Variants in LARP1 observed in about 807,000 individuals in gnomAD.
LARP1 encodes the protein la-related protein 1.
A neutral mutation model predicts 122.7 loss-of-function variants in LARP1; 36 were observed. That is an observed-to-expected ratio of 0.29 (90% CI 0.22 to 0.39). The LOEUF is 0.39. Ranked by LOEUF, LARP1 falls within the 10% of genes least tolerant of loss-of-function variation. The pLI is 1.00. For synonymous variants in LARP1, 539 were observed against 528.7 expected, an observed-to-expected ratio of 1.02 and a Z score of -0.27; for missense variants, 1,040 against 1,403.6, an observed-to-expected ratio of 0.74 and a Z score of 4.14.
Position 154,790,314 on chromosome 5 carries a change from T to C in LARP1, c.437-11T>C. The C allele has an allele frequency of 6.2e-7, 1 of 1,611,676 alleles. No individual in the cohort carries two copies. The highest frequency in any genetic ancestry group is 8.5e-7 in the Non-Finnish European group (1 of 1,178,744). On this transcript the variant is annotated splice_polypyrimidine_tract_variant and intron_variant, in intron 1 of 18. Transcript: ENST00000518297. ...CTTTGCATTACTAACTCTCCCTTCT[T>C]GTTCCCACAGAACACTCTGCTCCAG...
intron 1 of LARP1, among the ~76,000 whole-genome samples, chr5:154,705,015 G>A (rs1754882952): frequency 6.6e-6 from 1 of 151,750 alleles, no homozygotes; most frequent in South Asian, 2.1e-4. Context: ...CTACTCAGGA[G>A]GCTGAGGAAG....
upstream of LARP1, among the ~76,000 whole-genome samples, chr5:154,709,764 T>C (rs1349578285): frequency 6.6e-6 from 1 of 152,088 alleles, no homozygotes; most frequent in Non-Finnish European, 1.5e-5. Context: ...AAGTGTCAGA[T>C]GCTGACCTAA....
At chr5:154,706,429 A>G (rs1251836105) in intron 1 of LARP1, among the ~76,000 whole-genome samples, 1 of 152,084 alleles carries the variant, frequency 6.6e-6, no homozygotes, top group Non-Finnish European at 1.5e-5. Context: ...GCTGGAGGTC[A>G]TTATCCTAAG....
At chr5:154,777,917 T>C (rs894236032) in intron 1 of LARP1, among the ~76,000 whole-genome samples, 4 of 152,160 alleles carry the variant, frequency 2.6e-5, no homozygotes, top group Non-Finnish European at 5.9e-5. Flanking sequence ...AACTGTCATA[T>C]TTGTGGATGG....
At chr5:154,744,499 T>C (rs1753072817) in intron 1 of LARP1, among the ~76,000 whole-genome samples, 1 of 152,028 alleles carries the variant, frequency 6.6e-6, no homozygotes, top group Non-Finnish European at 1.5e-5. Context: ...TTAAATTCAA[T>C]TTAAAAAATA....
chr5:154,733,328 G>T (rs967598646), intron 1 of LARP1, among the ~76,000 whole-genome samples: 1 of 152,188 alleles, frequency 6.6e-6, no homozygotes, highest in Non-Finnish European at 1.5e-5. Context: ...GCATCAGACT[G>T]CTCTGAAATC....
At chr5:154,732,019 T>TG (rs1459846087) in intron 1 of LARP1, among the ~76,000 whole-genome samples, 1 of 110,500 alleles carries the variant, frequency 9.0e-6, no homozygotes, top group African/African-American at 3.4e-5. Flanking sequence ...AGACTCCGTC[T>TG]GAAAAAAAAA....
intron 1 of LARP1, among the ~76,000 whole-genome samples, chr5:154,707,155 G>A (rs748166866): frequency 4.3e-4 from 66 of 152,178 alleles, no homozygotes; most frequent in Non-Finnish European, 7.4e-4. Flanking sequence ...GCAGTGACTC[G>A]AGCCTGCAAT....
At chr5:154,732,354 C>T (rs533647679) in intron 1 of LARP1, among the ~76,000 whole-genome samples, 1 of 152,090 alleles carries the variant, frequency 6.6e-6, no homozygotes, top group Admixed American at 6.6e-5. Context: ...GCTTATTTAC[C>T]TTTCTGAACT....
chr5:154,744,614 C>A (rs1582262108), intron 1 of LARP1, among the ~76,000 whole-genome samples: 1 of 94,710 alleles, frequency 1.1e-5, no homozygotes, highest in Admixed American at 1.1e-4. Context: ...ATTGGATATG[C>A]AATTTTTTTT....
At chr5:154,788,527 G>T (rs1378411685) in intron 1 of LARP1, among the ~76,000 whole-genome samples, 3 of 152,182 alleles carry the variant, frequency 2.0e-5, no homozygotes, top group Admixed American at 2.0e-4. Flanking sequence ...AAATTTCTCT[G>T]CTGCTCGGGG....
chr5:154,745,409 C>T (rs1009224068), intron 1 of LARP1, among the ~76,000 whole-genome samples: 3 of 152,188 alleles, frequency 2.0e-5, no homozygotes, highest in African/African-American at 7.2e-5. Context: ...ACCACTACCC[C>T]CTTTATGATA....
chr5:154,796,081 ATTAT>A (rs1561615987), intron 8 of LARP1, among the ~76,000 whole-genome samples: 1 of 117,254 alleles, frequency 8.5e-6, no homozygotes, highest in Non-Finnish European at 1.6e-5. Flanking sequence ...TAGTATATAT[ATTAT>A]ATATATATTT....
intron 1 of LARP1, among the ~76,000 whole-genome samples, chr5:154,699,088 T>C (rs1180848723): frequency 6.6e-6 from 1 of 152,218 alleles, no homozygotes; most frequent in Non-Finnish European, 1.5e-5. Flanking sequence ...CACTGTGGTC[T>C]GTTCCCACTT....
At chr5:154,755,002 T>G (rs942842339), upstream of LARP1, among the ~76,000 whole-genome samples, 1 of 151,868 alleles carries the variant, frequency 6.6e-6, no homozygotes, top group African/African-American at 2.4e-5. Flanking sequence ...CTGAGGCCGC[T>G]CTCACGCGCT....
At chr5:154,765,000 T>C (rs1754815108) in intron 1 of LARP1, among the ~76,000 whole-genome samples, 1 of 151,996 alleles carries the variant, frequency 6.6e-6, no homozygotes, top group African/African-American at 2.4e-5. Context: ...TACATCATCA[T>C]TTCTCATGTA....
chr5:154,805,929 C>G lies in LARP1; in HGVS notation c.2595C>G (p.Thr865=), dbSNP rs200262057. ...CTACAGTTGGCAGCTATGGCTGTACCCCTCAGTCATTGCCCAAGTTCCAGC... is the reference window on the plus strand; with the variant it reads ...CTACAGTTGGCAGCTATGGCTGTACGCCTCAGTCATTGCCCAAGTTCCAGC... ...GTPTVGSYGC[T]PQSLPKFQHP... Residue 865 remains threonine, a synonymous_variant, in exon 15 of 19, where the codon ACC becomes ACG. Coordinates refer to ENST00000518297, the MANE Select transcript of LARP1 (RefSeq NM_033551.3). The G allele has an allele frequency of 6.8e-6, 11 of 1,614,178 alleles. No homozygotes were observed. The East Asian group carries it at 2.2e-4, about 33-fold the overall frequency.
intron 1 of LARP1, among the ~76,000 whole-genome samples, chr5:154,700,799 A>AT (rs929983172): frequency 6.6e-5 from 10 of 151,600 alleles, no homozygotes; most frequent in Non-Finnish European, 2.9e-5. Flanking sequence ...AATTTTTAAG[A>AT]TTTTTTGTTT....
At chr5:154,756,233 T>C (rs898958153) in intron 1 of LARP1, 40 bp downstream of exon 1, 2 of 1,200,226 alleles carry the variant, frequency 1.7e-6, no homozygotes, top group Non-Finnish European at 2.1e-6. Context: ...CGGGGGCCTC[T>C]TCCGGGGACA....
Sources: allele counts gnomAD v4.1 joint callset (sites outside exome capture counted in the v4.1 genomes callset), GRCh38; gene constraint gnomAD v4.1.1; transcripts MANE v1.5; gene names NCBI Gene and HGNC (gene_info 2026-07-23, HGNC 2026-07-21).